The following AKAP13 variants were observed in gnomAD, a reference collection of about 807,000 sequenced individuals.
The protein encoded by AKAP13 is A-kinase anchor protein 13.
A neutral mutation model predicts 264.5 loss-of-function variants in AKAP13; 80 were observed. The observed-to-expected ratio is 0.30, with a 90% CI of 0.25 to 0.36. The LOEUF (loss-of-function observed/expected upper bound fraction) is 0.36. Among genes scored for constraint, AKAP13 ranks in the 10% least tolerant of loss-of-function variants. AKAP13 has a pLI of 1.00. For synonymous variants in AKAP13, 1,380 were observed against 1,250.2 expected, an observed-to-expected ratio of 1.10 and a Z score of -2.19; for missense variants, 3,712 against 3,435.2, an observed-to-expected ratio of 1.08 and a Z score of -2.01.
intron 25 of AKAP13, among the ~76,000 whole-genome samples, chr15:85,722,576 A>G (rs1341877951): frequency 2.0e-5 from 3 of 152,222 alleles, no homozygotes; most frequent in Non-Finnish European, 2.9e-5. Flanking sequence ...CCAGAGTTCA[A>G]TGACCTGAAC....
At chr15:85,434,063 C>A (rs1219615847) in intron 1 of AKAP13, among the ~76,000 whole-genome samples, 1 of 147,040 alleles carries the variant, frequency 6.8e-6, no homozygotes, top group African/African-American at 2.5e-5. Context: ...ATCTGAGGTA[C>A]CAGGTTTATC....
intron 1 of AKAP13, among the ~76,000 whole-genome samples, chr15:85,437,649 G>A (rs2073376558): frequency 1.3e-5 from 2 of 152,200 alleles, no homozygotes. Context: ...ATCCCGGGAT[G>A]CAAGGCTGGT....
chr15:85,689,065 C>T (rs894987790), intron 16 of AKAP13, among the ~76,000 whole-genome samples: 10 of 152,212 alleles, frequency 6.6e-5, no homozygotes, highest in Admixed American at 3.3e-4. Flanking sequence ...CAACCTAATA[C>T]TAAGCTTTCC....
chr15:85,387,266 A>C (rs1013148283), intron 1 of AKAP13, among the ~76,000 whole-genome samples: 1 of 151,976 alleles, frequency 6.6e-6, no homozygotes, highest in Non-Finnish European at 1.5e-5. Flanking sequence ...AGCCCGGGAG[A>C]TGGAGGTTAC....
chr15:85,739,644 A>G (rs1188366082), intron 33 of AKAP13, among the ~76,000 whole-genome samples: 1 of 152,122 alleles, frequency 6.6e-6, no homozygotes, highest in African/African-American at 2.4e-5. Flanking sequence ...CTGTTTCAAG[A>G]TTAGAAAACA....
intron 1 of AKAP13, among the ~76,000 whole-genome samples, chr15:85,447,945 A>G (rs2073955865): frequency 6.6e-6 from 1 of 152,184 alleles, no homozygotes; most frequent in Admixed American, 6.5e-5. Flanking sequence ...AGGAATCGCT[A>G]TACTGCTTTC....
At chr15:85,398,876 G>C (rs1434193294) in intron 1 of AKAP13, among the ~76,000 whole-genome samples, 1 of 152,102 alleles carries the variant, frequency 6.6e-6, no homozygotes, top group Non-Finnish European at 1.5e-5. Context: ...GTATTTCCTT[G>C]TATGAACTTA....
At chr15:85,597,964 G>A (rs946638730) in intron 8 of AKAP13, among the ~76,000 whole-genome samples, 4 of 151,870 alleles carry the variant, frequency 2.6e-5, no homozygotes, top group East Asian at 1.9e-4. Flanking sequence ...GATCCTGGTC[G>A]CTCTGGGAAA....
intron 9 of AKAP13, among the ~76,000 whole-genome samples, chr15:85,643,097 T>G (rs1270650554): frequency 6.6e-6 from 1 of 151,188 alleles, no homozygotes; most frequent in African/African-American, 2.4e-5. Flanking sequence ...ACTAACACAC[T>G]CCAAAATAGT....
chr15:85,497,899 A>T (rs1378689781), intron 2 of AKAP13, among the ~76,000 whole-genome samples: 1 of 152,128 alleles, frequency 6.6e-6, no homozygotes, highest in Admixed American at 6.5e-5. Context: ...GAGTAGAAGG[A>T]GAGCAGTGAG....
intron 8 of AKAP13, among the ~76,000 whole-genome samples, chr15:85,606,344 C>T (rs1343851956): frequency 3.3e-5 from 5 of 151,946 alleles, no homozygotes; most frequent in South Asian, 2.1e-4. Context: ...TCAGGTGGTC[C>T]GCCCACCTCA....
chr15:85,618,340 A>G (rs1015368315), intron 8 of AKAP13, among the ~76,000 whole-genome samples: 2 of 152,112 alleles, frequency 1.3e-5, no homozygotes, highest in African/African-American at 4.8e-5. Context: ...TAGGTGTTAA[A>G]TCTCTCCTCT....
Position 85,579,534 on chromosome 15 carries a change from C to T in AKAP13, c.1466C>T (p.Pro489Leu), listed in dbSNP as rs114358244. ...AGEMEHGLMN[P>L]DATVWKNVLQ... ...GAAATGGAACATGGGCTCATGAACC[C>T]AGATGCCACTGTTTGGAAGAATGTG... Residue 489 changes from proline (P) to leucine (L), a missense_variant, in exon 7 of 37, where the codon CCA becomes CTA. Pro to Leu is a moderately conservative substitution (Grantham distance 98). This residue lies in a region of AKAP13 where 2,759 missense variants were observed against 2,411.7 expected (regional missense o/e 1.14). Transcript: ENST00000394518. 1.8e-3 allele frequency: 2,926 copies of T among 1,614,182 alleles called. 10 individuals are homozygous for T. Among genetic ancestry groups the T allele is most frequent in the South Asian group, 6.9e-3 (632 of 91,084 alleles).
rs985940337 is a variant in AKAP13 at position 85,727,535 on chromosome 15, T to C, written c.7087+72T>C. 11 of 1,558,464 alleles carry C rather than the reference T, an allele frequency of 7.1e-6. No homozygotes were observed. Among genetic ancestry groups the C allele is most frequent in the Non-Finnish European group, 8.8e-6 (10 of 1,134,884 alleles). On this transcript the variant is annotated intron_variant, in intron 29 of 36. Coordinates refer to ENST00000394518, the MANE Select transcript of AKAP13 (RefSeq NM_007200.5). The surrounding 1 kb of genome is among the most constrained non-coding windows in gnomAD (Gnocchi z 5.3). ...GTTGCAGAAGACTGCTGGTGGATTT[T>C]AGAGGTACGGGTTTGCCCTCAGTTC...
At chr15:85,458,394 T>TTTTTTG (rs1555431453) in intron 1 of AKAP13, among the ~76,000 whole-genome samples, 4 of 61,044 alleles carry the variant, frequency 6.6e-5, no homozygotes, top group African/African-American at 5.5e-4. Flanking sequence ...TTGTTTTTTG[T>TTTTTTG]TTTTTTTTTT....
intron 5 of AKAP13, among the ~76,000 whole-genome samples, chr15:85,572,997 ACT>A (rs1418640143): frequency 2.0e-5 from 3 of 151,844 alleles, no homozygotes; most frequent in African/African-American, 7.3e-5. Flanking sequence ...AAGGACATGA[ACT>A]CATCCTTTTT....
chr15:85,695,593 A>G (rs1475160436), intron 17 of AKAP13, among the ~76,000 whole-genome samples: 1 of 152,196 alleles, frequency 6.6e-6, no homozygotes, highest in Non-Finnish European at 1.5e-5. Flanking sequence ...ATGTAAAATG[A>G]TTTTTATTGG....
Position 85,579,261 on chromosome 15 carries a change from A to G in AKAP13, c.1193A>G (p.Asp398Gly). Residue 398 changes from aspartate to glycine, a missense_variant, in exon 7 of 37, where the codon GAC (aspartate) becomes GGC (glycine). Coordinates refer to ENST00000394518, the MANE Select transcript of AKAP13 (RefSeq NM_007200.5). Reference sequence around the variant, plus strand: ...GACTCTGGAACTGTATCTGATCAAGACAGCTGCCTTCAGAGCTTGCCTGAT... The same window carrying G: ...GACTCTGGAACTGTATCTGATCAAGGCAGCTGCCTTCAGAGCTTGCCTGAT... ...IVDSGTVSDQ[D>G]SCLQSLPDCG... 3.7e-6 allele frequency: 6 copies of G among 1,614,228 alleles called. No individual in the cohort carries two copies. The highest frequency in any genetic ancestry group is 5.1e-6 in the Non-Finnish European group (6 of 1,180,040).
intron 1 of AKAP13, among the ~76,000 whole-genome samples, chr15:85,393,376 G>A (rs1226466946): frequency 6.6e-6 from 1 of 152,200 alleles, no homozygotes; most frequent in Non-Finnish European, 1.5e-5. Context: ...AAGCCTTGGG[G>A]GCTGGCTGAG....
Sources: allele counts gnomAD v4.1 joint callset (sites outside exome capture counted in the v4.1 genomes callset), GRCh38; gene constraint gnomAD v4.1.1; regional missense constraint gnomAD v4.1.1; non-coding constraint Gnocchi (gnomAD v3.1); transcripts MANE v1.5; gene names NCBI Gene and HGNC (gene_info 2026-07-23, HGNC 2026-07-21).